Variants in SGCD observed in about 807,000 individuals in gnomAD.
SGCD encodes the protein sarcoglycan delta.
SGCD carries 18 observed loss-of-function variants against 36.6 expected under a neutral mutation model. The observed-to-expected ratio is 0.49, with a 90% CI of 0.34 to 0.73. The LOEUF (loss-of-function observed/expected upper bound fraction) is 0.73. Ranked by LOEUF, SGCD falls within the 30% of genes least tolerant of loss-of-function variation. The pLI is 0.01. For missense variants in SGCD, 387 were observed against 346.7 expected (o/e 1.12, Z -0.92); for synonymous variants, 133 against 130.6 (o/e 1.02, Z -0.12).
intron 1 of SGCD, among the ~76,000 whole-genome samples, chr5:155,911,271 C>G (rs1561647300): frequency 6.7e-6 from 1 of 149,066 alleles, no homozygotes; most frequent in Non-Finnish European, 1.5e-5. Flanking sequence ...ATAAGATTAT[C>G]TAACTTATAT....
At chr5:156,545,512 A>G (rs1758535979) in intron 4 of SGCD, among the ~76,000 whole-genome samples, 1 of 152,110 alleles carries the variant, frequency 6.6e-6, no homozygotes, top group East Asian at 1.9e-4. Flanking sequence ...GGATGGTTTC[A>G]GAATGAAACT....
chr5:156,061,171 C>T (rs114572602), intron 1 of SGCD, among the ~76,000 whole-genome samples: 2 of 142,600 alleles, frequency 1.4e-5, no homozygotes, highest in Non-Finnish European at 3.1e-5. Context: ...AAAATTGCAA[C>T]TATTTTTTTT....
At chr5:156,395,604 A>C (rs573179869) in intron 3 of SGCD, among the ~76,000 whole-genome samples, 2 of 152,306 alleles carry the variant, frequency 1.3e-5, no homozygotes, top group Non-Finnish European at 2.9e-5. Flanking sequence ...CCATTTGTAT[A>C]TTCAGTCTTT....
At chr5:156,481,919 C>T (rs1021819234) in intron 3 of SGCD, among the ~76,000 whole-genome samples, 5 of 152,254 alleles carry the variant, frequency 3.3e-5, no homozygotes, top group African/African-American at 7.2e-5. Flanking sequence ...ACTGATCAGA[C>T]ACCACCTGCT....
chr5:156,239,439 A>C, intron 3 of SGCD, among the ~76,000 whole-genome samples: 1 of 151,170 alleles, frequency 6.6e-6, no homozygotes, highest in East Asian at 1.9e-4. Flanking sequence ...TGGTCAGTGC[A>C]AGGGGGAATA....
intron 3 of SGCD, among the ~76,000 whole-genome samples, chr5:156,187,087 TG>T (rs1232212971): frequency 6.6e-6 from 1 of 151,666 alleles, no homozygotes. Flanking sequence ...GGTAAAAGGG[TG>T]AGTATTTCAA....
intron 3 of SGCD, among the ~76,000 whole-genome samples, chr5:156,232,131 C>G (rs1765034511): frequency 6.6e-6 from 1 of 152,190 alleles, no homozygotes. Flanking sequence ...ACCAGCTTAC[C>G]TTTAACATAG....
chr5:156,380,466 A>T (rs1453977284), intron 3 of SGCD, among the ~76,000 whole-genome samples: 2 of 152,218 alleles, frequency 1.3e-5, no homozygotes, highest in African/African-American at 2.4e-5. Flanking sequence ...GTTTTCAAGC[A>T]CGTATTCATT....
At chr5:156,601,746 C>T (rs368546807) in intron 6 of SGCD, among the ~76,000 whole-genome samples, 15 of 152,114 alleles carry the variant, frequency 9.9e-5, no homozygotes, top group East Asian at 5.8e-4. Context: ...TGCAGTGGCG[C>T]GATCTTGGCT....
chr5:155,920,368 G>A (rs1253798567), intron 1 of SGCD, among the ~76,000 whole-genome samples: 1 of 152,166 alleles, frequency 6.6e-6, no homozygotes, highest in Non-Finnish European at 1.5e-5. Flanking sequence ...GGCTTACTGA[G>A]ATGGTGAGTA....
At chr5:156,465,801 G>T (rs142622395) in intron 3 of SGCD, among the ~76,000 whole-genome samples, 1 of 152,292 alleles carries the variant, frequency 6.6e-6, no homozygotes, top group East Asian at 1.9e-4. Flanking sequence ...ATTTGGCACC[G>T]GAGGAAATTC....
At position 156,269,497 on chromosome 5, in the gene SGCD, A is replaced by AC. The variant is rs1561593228; in HGVS notation, c.-43-60037_-43-60036insC. 2.3e-3 allele frequency among the ~76,000 whole-genome samples: 327 copies of AC among 144,312 alleles called. 25 individuals carry two copies. The highest frequency in any genetic ancestry group is 8.2e-3 in the African/African-American group (317 of 38,844). The allele number at this position is 144,312 out of a possible 152,430, so 94.7% of individuals were successfully genotyped here. ...AAAAAAAAAAAAAAAAAAAAAAAAA[A>AC]AAAAAAAAAAAAACCATCAGATCTC... On this transcript the variant is annotated intron_variant, in intron 3 of 9. Transcript: ENST00000517913.
At chr5:156,241,489 T>A (rs1333448512) in intron 3 of SGCD, among the ~76,000 whole-genome samples, 2 of 152,188 alleles carry the variant, frequency 1.3e-5, no homozygotes, top group Non-Finnish European at 2.9e-5. Flanking sequence ...AGAACATGTA[T>A]GCATAAACCA....
intron 1 of SGCD, among the ~76,000 whole-genome samples, chr5:156,032,199 C>T (rs1759362276): frequency 6.6e-6 from 1 of 151,450 alleles, no homozygotes; most frequent in African/African-American, 2.4e-5. Flanking sequence ...CATACTTCTA[C>T]AATATCAATG....
intron 1 of SGCD, among the ~76,000 whole-genome samples, chr5:156,077,241 C>T (rs1353956785): frequency 1.3e-5 from 2 of 152,132 alleles, no homozygotes; most frequent in African/African-American, 4.8e-5. Flanking sequence ...TCTTTCCTAT[C>T]CTTTAGGACC....
the SGCD span, among the ~76,000 whole-genome samples, chr5:155,798,704 ACAG>A: frequency 6.6e-6 from 1 of 152,196 alleles, no homozygotes; most frequent in Non-Finnish European, 1.5e-5. Flanking sequence ...AATGCCAAAA[ACAG>A]CAGTGTCAAA....
At chr5:156,673,192 G>A (rs925308981) in intron 7 of SGCD, among the ~76,000 whole-genome samples, 9 of 152,176 alleles carry the variant, frequency 5.9e-5, no homozygotes, top group Non-Finnish European at 1.2e-4. Flanking sequence ...TATGAAGGAG[G>A]GCTGTCAAAG....
chr5:155,768,144 G>A, the SGCD span, among the ~76,000 whole-genome samples: 1 of 152,114 alleles, frequency 6.6e-6, no homozygotes, highest in African/African-American at 2.4e-5. Context: ...GGGAAAGCTG[G>A]AGATGGGTGG....
At chr5:156,140,777 C>T (rs904047959) in intron 3 of SGCD, among the ~76,000 whole-genome samples, 1 of 152,070 alleles carries the variant, frequency 6.6e-6, no homozygotes, top group African/African-American at 2.4e-5. Context: ...GAGAGAAAAC[C>T]AAGGGTGTGC....
Sources: gnomAD v4.1 joint callset for allele counts (sites outside exome capture counted in the v4.1 genomes callset) on GRCh38, gnomAD v4.1.1 for gene constraint, MANE v1.5 for transcripts, NCBI Gene and HGNC (gene_info 2026-07-23, HGNC 2026-07-21) for gene names.